Variants in CRPPA observed in about 807,000 individuals in gnomAD.
CRPPA encodes D-ribitol-5-phosphate cytidylyltransferase.
A neutral mutation model predicts 52.0 loss-of-function variants in CRPPA; 43 were observed. The ratio of observed to expected loss-of-function variants is 0.83; its 90% CI spans 0.65 to 1.07. The LOEUF (loss-of-function observed/expected upper bound fraction) is 1.07. Ranked by LOEUF, CRPPA falls within the 50% of genes least tolerant of loss-of-function variation. The pLI, the probability that CRPPA is intolerant of heterozygous loss-of-function variation, is 0.00. For missense variants in CRPPA, 629 were observed against 551.7 expected, an observed-to-expected ratio of 1.14 and a Z score of -1.40; for synonymous variants, 250 against 203.5, an observed-to-expected ratio of 1.23 and a Z score of -1.94.
intron 9 of CRPPA, among the ~76,000 whole-genome samples, chr7:16,139,462 T>G (rs182871802): frequency 6.6e-6 from 1 of 152,102 alleles, no homozygotes; most frequent in African/African-American, 2.4e-5. Context: ...TTACGGGGGG[T>G]AAAGGTAAAT....
chr7:16,200,655 T>C (rs896216594), intron 9 of CRPPA, among the ~76,000 whole-genome samples: 8 of 152,348 alleles, frequency 5.3e-5, no homozygotes, highest in African/African-American at 1.7e-4. Flanking sequence ...AAAATCTGTT[T>C]ACAAGAAATT....
At chr7:16,415,683 A>G (rs1320603026) in intron 1 of CRPPA, among the ~76,000 whole-genome samples, 1 of 152,174 alleles carries the variant, frequency 6.6e-6, no homozygotes, top group African/African-American at 2.4e-5. Context: ...TCCTGGGTTC[A>G]TTAAATCTGA....
At chr7:16,146,918 A>G (rs1782985281) in intron 9 of CRPPA, among the ~76,000 whole-genome samples, 1 of 152,240 alleles carries the variant, frequency 6.6e-6, no homozygotes, top group Non-Finnish European at 1.5e-5. Flanking sequence ...ACCAGTCTGT[A>G]ACAACTTTAA....
intron 8 of CRPPA, chr7:16,247,887 T>C (rs1484924669): frequency 6.6e-6 from 1 of 152,096 alleles, no homozygotes; most frequent in Admixed American, 6.5e-5. Context: ...TCTCTTAGCT[T>C]GGTACAGGAA....
chr7:16,316,614 T>C (rs930453964), intron 3 of CRPPA, among the ~76,000 whole-genome samples: 4 of 152,060 alleles, frequency 2.6e-5, no homozygotes, highest in Non-Finnish European at 5.9e-5. Context: ...GTAATCTCAG[T>C]ACTTTGAGAG....
intron 9 of CRPPA, among the ~76,000 whole-genome samples, chr7:16,114,754 C>T (rs1219951609): frequency 6.6e-6 from 1 of 151,952 alleles, no homozygotes; most frequent in Non-Finnish European, 1.5e-5. Flanking sequence ...AACTGGAGGA[C>T]ACATAACTCC....
At chr7:16,336,593 A>G (rs1785689062) in intron 3 of CRPPA, among the ~76,000 whole-genome samples, 1 of 151,902 alleles carries the variant, frequency 6.6e-6, no homozygotes, top group Non-Finnish European at 1.5e-5. Context: ...AACCTACAAA[A>G]CAATCAGAAA....
At chr7:16,103,653 C>T (rs1381089171) in intron 9 of CRPPA, among the ~76,000 whole-genome samples, 8 of 152,134 alleles carry the variant, frequency 5.3e-5, no homozygotes, top group Non-Finnish European at 1.0e-4. Flanking sequence ...TAAATCTATA[C>T]TAACACACCC....
At chr7:16,097,857 G>T (rs951151179) in intron 9 of CRPPA, among the ~76,000 whole-genome samples, 5 of 152,220 alleles carry the variant, frequency 3.3e-5, no homozygotes, top group Admixed American at 3.3e-4. Context: ...GCAAGGAAAG[G>T]CTGAAGTAAT....
intron 8 of CRPPA, among the ~76,000 whole-genome samples, chr7:16,252,185 A>C (rs973228617): frequency 9.2e-5 from 14 of 152,246 alleles, no homozygotes; most frequent in Non-Finnish European, 1.5e-4. Flanking sequence ...CCAGCAGCAC[A>C]TCAAAAAGCC....
intron 9 of CRPPA, among the ~76,000 whole-genome samples, chr7:16,207,470 C>A (rs1527221): frequency 1.3e-5 from 2 of 151,994 alleles, no homozygotes; most frequent in Non-Finnish European, 2.9e-5. Flanking sequence ...TTAAACACTG[C>A]AATTTCACAG....
intron 9 of CRPPA, among the ~76,000 whole-genome samples, chr7:16,128,058 C>A (rs976412500): frequency 2.0e-5 from 3 of 152,216 alleles, no homozygotes; most frequent in African/African-American, 7.2e-5. Flanking sequence ...CACTGTCTTC[C>A]ACAATGGTTG....
At chr7:16,223,524 T>C (rs1297510656) in intron 8 of CRPPA, among the ~76,000 whole-genome samples, 1 of 152,170 alleles carries the variant, frequency 6.6e-6, no homozygotes, top group African/African-American at 2.4e-5. Flanking sequence ...AAAGGCGTGA[T>C]GATGACATGA....
intron 6 of CRPPA, chr7:16,270,688 G>T (rs971863145): frequency 1.3e-5 from 2 of 152,042 alleles, no homozygotes; most frequent in Non-Finnish European, 2.9e-5. Context: ...AGTTAGAGGC[G>T]CAAGAGAAAA....
At chr7:16,266,486 T>TC (rs1783956868) in intron 6 of CRPPA, among the ~76,000 whole-genome samples, 2 of 151,322 alleles carry the variant, frequency 1.3e-5, no homozygotes, top group African/African-American at 2.4e-5. Flanking sequence ...GTTTTTCTTT[T>TC]TTTTTTTTTT....
intron 2 of CRPPA, among the ~76,000 whole-genome samples, chr7:16,378,232 G>T: frequency 6.7e-6 from 1 of 150,334 alleles, no homozygotes; most frequent in South Asian, 2.1e-4. Flanking sequence ...TTAGCATTAG[G>T]TATATCTCCT....
chr7:16,416,540 G>C (rs887541898), intron 1 of CRPPA, among the ~76,000 whole-genome samples: 1 of 152,114 alleles, frequency 6.6e-6, no homozygotes, highest in Non-Finnish European at 1.5e-5. Context: ...AAACTAAACA[G>C]CTTCTGCACA....
At chr7:16,209,720 G>A (rs971825576) in intron 9 of CRPPA, among the ~76,000 whole-genome samples, 2 of 152,146 alleles carry the variant, frequency 1.3e-5, no homozygotes, top group Non-Finnish European at 2.9e-5. Context: ...ACTACAGAAT[G>A]AGATCTTTTA....
chr7:16,325,216 A>G (rs1785354834), intron 3 of CRPPA, among the ~76,000 whole-genome samples: 1 of 152,204 alleles, frequency 6.6e-6, no homozygotes, highest in South Asian at 2.1e-4. Context: ...ACAAGTTGAG[A>G]AAGGAAGTCA....
Sources: gnomAD v4.1 joint callset for allele counts (sites outside exome capture counted in the v4.1 genomes callset) on GRCh38, gnomAD v4.1.1 for gene constraint, MANE v1.5 for transcripts, NCBI Gene and HGNC (gene_info 2026-07-23, HGNC 2026-07-21) for gene names.